Variants in CLIP4 observed in about 807,000 individuals in gnomAD.
The protein encoded by CLIP4 is CAP-Gly domain-containing linker protein 4.
Under a neutral mutation model 73.1 loss-of-function variants are expected in CLIP4, and 47 were observed. The observed-to-expected ratio is 0.64, with a 90% CI of 0.51 to 0.82. The LOEUF is 0.82. Among genes scored for constraint, CLIP4 ranks in the 40% least tolerant of loss-of-function variants. The pLI, the probability that CLIP4 is intolerant of heterozygous loss-of-function variation, is 0.00. For missense variants in CLIP4, 874 were observed against 852.9 expected (o/e 1.02, Z -0.31); for synonymous variants, 306 against 295.4 (o/e 1.04, Z -0.37).
At chr2:29,167,676 A>T in intron 14 of CLIP4, 136 bp downstream of exon 14, 1 of 552,734 alleles carries the variant, frequency 1.8e-6, no homozygotes. Context: ...TAGAACAAAC[A>T]TCTGTTACCT....
intron 2 of CLIP4, among the ~76,000 whole-genome samples, chr2:29,125,164 G>A (rs1485549782): frequency 6.6e-6 from 1 of 152,130 alleles, no homozygotes; most frequent in Non-Finnish European, 1.5e-5. Context: ...TTCCACTCCA[G>A]GGGCCCTGAA....
intron 1 of CLIP4, among the ~76,000 whole-genome samples, chr2:29,116,379 G>A (rs1291139280): frequency 6.6e-6 from 1 of 152,202 alleles, no homozygotes; most frequent in South Asian, 2.1e-4. Context: ...ACAATAACTT[G>A]CTGTATGTTC....
At chr2:29,139,611 A>G (rs1665619404) in intron 6 of CLIP4, among the ~76,000 whole-genome samples, 1 of 152,120 alleles carries the variant, frequency 6.6e-6, no homozygotes, top group African/African-American at 2.4e-5. Flanking sequence ...CATTCGGTCC[A>G]GGGCTTTTTC....
At chr2:29,125,729 C>T (rs1664559991) in intron 2 of CLIP4, among the ~76,000 whole-genome samples, 1 of 152,160 alleles carries the variant, frequency 6.6e-6, no homozygotes, top group African/African-American at 2.4e-5. Flanking sequence ...CTTTCATTGT[C>T]TAACATCCCG....
chr2:29,175,965 G>T (rs988419375), intron 15 of CLIP4, among the ~76,000 whole-genome samples: 2 of 152,182 alleles, frequency 1.3e-5, no homozygotes, highest in East Asian at 1.9e-4. Flanking sequence ...ATTTCACTGT[G>T]TTAGCCAGGA....
chr2:29,163,982 A>G (rs1252370569), intron 13 of CLIP4, 28 bp downstream of exon 13: 10 of 1,600,696 alleles, frequency 6.2e-6, no homozygotes, highest in Non-Finnish European at 7.7e-6. Flanking sequence ...ATGTTTATTT[A>G]CAGAAACTTT....
chr2:29,122,826 C>CAAAA (rs11364909), intron 2 of CLIP4, among the ~76,000 whole-genome samples: 21 of 61,920 alleles, frequency 3.4e-4, no homozygotes, highest in East Asian at 5.8e-4. Flanking sequence ...ACTTTGTCTC[C>CAAAA]AAAAAAAAAA....
At position 29,149,414 on chromosome 2, in the gene CLIP4, T is replaced by C. The variant is rs1405479224; in HGVS notation, c.1022-3271T>C. ...TTTAGTATTTTTTCTCCTTTTCTTT[T>C]TTTTTTTTTTCTTTAGAGTTCATAC... is the stretch of plus-strand genomic sequence containing the variant. On this transcript the variant is annotated intron_variant, in intron 8 of 15. Transcript: ENST00000320081. Among the ~76,000 whole-genome samples the C allele has an allele frequency of 2.6e-5, 4 of 151,408 alleles. No individual in the cohort carries two copies. The East Asian group carries it at 7.7e-4, about 29-fold the overall frequency.
chr2:29,113,620 G>A (rs763121167), upstream of CLIP4, among the ~76,000 whole-genome samples: 4 of 152,210 alleles, frequency 2.6e-5, no homozygotes, highest in Admixed American at 2.0e-4. The surrounding 1 kb of genome is among the most constrained non-coding windows in gnomAD (Gnocchi z 4.0). Context: ...TACAGTGTTT[G>A]GGTGTAGCAG....
chr2:29,153,834 C>G (rs1216790930), intron 9 of CLIP4, among the ~76,000 whole-genome samples: 1 of 152,124 alleles, frequency 6.6e-6, no homozygotes, highest in East Asian at 1.9e-4. Flanking sequence ...AAAAATAAAT[C>G]TTGATGTCCA....
rs533596656 is a variant in CLIP4 at position 29,136,792 on chromosome 2, G to C, written c.648+1126G>C. Among the ~76,000 whole-genome samples, 7 of 152,174 alleles carry C rather than the reference G, an allele frequency of 4.6e-5. No homozygotes were observed. In the South Asian group the frequency reaches 1.2e-3, roughly 27 times the overall value. On this transcript the variant is annotated intron_variant, in intron 6 of 15. Coordinates refer to ENST00000320081, the MANE Select transcript of CLIP4 (RefSeq NM_024692.6). ...CATTCAGTCCAGCTGGAGTGTGAAGGGGGGAGGCGTTTGCTTTTGTTGGTA... is the reference window on the plus strand; with the variant it reads ...CATTCAGTCCAGCTGGAGTGTGAAGCGGGGAGGCGTTTGCTTTTGTTGGTA...
At chr2:29,144,095 T>G (rs559668580) in intron 7 of CLIP4, 150 bp downstream of exon 7, 3 of 689,754 alleles carry the variant, frequency 4.3e-6, no homozygotes, top group African/African-American at 1.8e-5. Flanking sequence ...AACTTAGATA[T>G]GAATTTACTG....
At chr2:29,167,441 T>G in intron 13 of CLIP4, 35 bp from the exon 14 acceptor site, 1 of 1,499,208 alleles carries the variant, frequency 6.7e-7, no homozygotes, top group East Asian at 2.4e-5. Context: ...GAAGACCAGC[T>G]ACTTCTAACG....
intron 6 of CLIP4, 50 bp from the exon 7 acceptor site, chr2:29,143,659 C>G (rs1558543482): frequency 3.3e-6 from 4 of 1,207,402 alleles, no homozygotes; most frequent in South Asian, 1.3e-5. Flanking sequence ...ATATGACTTT[C>G]TAGTGCTCTA....
At chr2:29,107,365 T>TTTTTTTTTTTGTTTTTTTTGTTTTTTTTG (rs1668246480) in intron 1 of CLIP4, among the ~76,000 whole-genome samples, 5 of 86,128 alleles carry the variant, frequency 5.8e-5, no homozygotes, top group African/African-American at 2.5e-4. Flanking sequence ...ATAGTTTTTT[T>TTTTTTTTTTTGTTTTTTTTGTTTTTTTTG]TTTTTTTTTT....
At chr2:29,098,374 T>G (rs747457092) in intron 1 of CLIP4, among the ~76,000 whole-genome samples, 1 of 152,240 alleles carries the variant, frequency 6.6e-6, no homozygotes, top group Non-Finnish European at 1.5e-5. Flanking sequence ...TTTCACTGCC[T>G]TTAAAAGTCT....
At chr2:29,153,210 G>A (rs908378133) in intron 9 of CLIP4, among the ~76,000 whole-genome samples, 2 of 152,054 alleles carry the variant, frequency 1.3e-5, no homozygotes, top group Non-Finnish European at 2.9e-5. Context: ...AGCAGTTGCG[G>A]CTCTCTTTCT....
At position 29,135,618 on chromosome 2, in the gene CLIP4, A is replaced by G; in HGVS notation, c.600A>G (p.Ala200=). Residue 200 remains alanine, a synonymous_variant, in exon 6 of 16, where the codon GCA becomes GCG. Coordinates refer to ENST00000320081, the MANE Select transcript of CLIP4 (RefSeq NM_024692.6). The part of the protein sequence containing the change: ...ALHIAAYNLC[A]GAVKCLLEQG... ...ATATTGCAGCATACAACTTGTGTGC[A>G]GGTGCTGTGAAGTGCCTCTTGGAGC... 6.2e-7 allele frequency: 1 copy of G among 1,611,280 alleles called. No homozygotes were observed. The highest frequency in any genetic ancestry group is 1.1e-5 in the South Asian group (1 of 90,502).
chr2:29,171,378 A>G (rs959229113), intron 14 of CLIP4, among the ~76,000 whole-genome samples: 9 of 152,132 alleles, frequency 5.9e-5, no homozygotes, highest in African/African-American at 1.9e-4. Flanking sequence ...TTGCTTTCAT[A>G]ATAATATATA....
Sources: gnomAD v4.1 joint callset for allele counts (sites outside exome capture counted in the v4.1 genomes callset) on GRCh38, gnomAD v4.1.1 for gene constraint, Gnocchi (gnomAD v3.1) non-coding constraint, MANE v1.5 for transcripts, NCBI Gene and HGNC (gene_info 2026-07-23, HGNC 2026-07-21) for gene names.